CRTAC1: variants seen among roughly 807,000 people sequenced by gnomAD.
CRTAC1 encodes the protein cartilage acidic protein 1.
A neutral mutation model predicts 67.8 loss-of-function variants in CRTAC1; 37 were observed. The observed-to-expected ratio is 0.55, with a 90% CI of 0.42 to 0.72. The LOEUF is 0.72. Ranked by LOEUF, CRTAC1 falls within the 30% of genes least tolerant of loss-of-function variation. The pLI, the probability that CRTAC1 is intolerant of heterozygous loss-of-function variation, is 0.00. For synonymous variants in CRTAC1, 348 were observed against 371.0 expected, an observed-to-expected ratio of 0.94 and a Z score of 0.71; for missense variants, 780 against 931.6, an observed-to-expected ratio of 0.84 and a Z score of 2.12.
At chr10:97,983,424 T>G (rs780607672) in intron 2 of CRTAC1, among the ~76,000 whole-genome samples, 3 of 151,776 alleles carry the variant, frequency 2.0e-5, no homozygotes, top group Non-Finnish European at 4.4e-5. Flanking sequence ...AAAAGAATGT[T>G]TGACAGAAAT....
intron 2 of CRTAC1, among the ~76,000 whole-genome samples, chr10:97,946,719 C>T (rs2051270612): frequency 6.6e-6 from 1 of 152,168 alleles, no homozygotes; most frequent in Non-Finnish European, 1.5e-5. Context: ...ACCAGGGCCT[C>T]CTGATGGAAG....
At chr10:97,956,458 T>C (rs1414569645) in intron 2 of CRTAC1, among the ~76,000 whole-genome samples, 1 of 152,214 alleles carries the variant, frequency 6.6e-6, no homozygotes, top group Admixed American at 6.5e-5. Context: ...CTAGGGTCAG[T>C]GTTCCTGAGG....
chr10:97,871,418 C>T (rs957074811), intron 14 of CRTAC1: 1 of 152,134 alleles, frequency 6.6e-6, no homozygotes, highest in African/African-American at 2.4e-5. Context: ...ATCTGTTTCT[C>T]CAATGTAAGA....
rs148627917 is a variant in CRTAC1 at position 97,937,417 on chromosome 10, C to G, written c.225-1051G>C. Among the ~76,000 whole-genome samples, 629 of 152,306 alleles carry G rather than the reference C, an allele frequency of 4.1e-3. 3 individuals are homozygous for G. The highest frequency in any genetic ancestry group is 0.014 in the African/African-American group (569 of 41,564). On this transcript the variant is annotated intron_variant, in intron 2 of 14. Coordinates refer to ENST00000370597, the MANE Select transcript of CRTAC1 (RefSeq NM_018058.7). ...CTGTTCTCTATCTCTCACTAATGCT[C>G]TCTTCCCACAGCTCTGACCAACAGC...
chr10:97,899,425 TGGATGGGCA>T, intron 8 of CRTAC1, among the ~76,000 whole-genome samples: 1 of 152,106 alleles, frequency 6.6e-6, no homozygotes, highest in African/African-American at 2.4e-5. Flanking sequence ...TGAAGCAGGC[TGGATGGGCA>T]GGATGGGCAG....
chr10:97,935,867 G>T (rs2136613538), intron 3 of CRTAC1, among the ~76,000 whole-genome samples: 1 of 152,280 alleles, frequency 6.6e-6, no homozygotes, highest in East Asian at 1.9e-4. Flanking sequence ...AGGAGAGGAG[G>T]GGTCAGGAGG....
intron 7 of CRTAC1, among the ~76,000 whole-genome samples, chr10:97,902,269 G>A (rs1029003338): frequency 2.6e-5 from 4 of 152,238 alleles, no homozygotes; most frequent in African/African-American, 4.8e-5. Context: ...CTGGCACAGA[G>A]TGGGCATGAC....
chr10:97,893,254 T>G lies in CRTAC1; in HGVS notation c.1486+1991A>C, dbSNP rs1259489776. Among the ~76,000 whole-genome samples, 3 of 147,134 alleles carry G rather than the reference T, an allele frequency of 2.0e-5. No individual in the cohort carries two copies. In the East Asian group the frequency reaches 5.8e-4, roughly 29 times the overall value. On this transcript the variant is annotated intron_variant, in intron 11 of 14. Transcript: ENST00000370597. ...TCTCACTTTTTGCATTGCCTTTCAG[T>G]TTTTTTTCTGCACATATGTGTGTAT... is the stretch of plus-strand genomic sequence containing the variant.
chr10:97,896,847 A>ACCC, intron 9 of CRTAC1, 62 bp downstream of exon 9: 1 of 397,250 alleles, frequency 2.5e-6, no homozygotes, highest in African/African-American at 2.4e-5. Flanking sequence ...TCCCGCCCTC[A>ACCC]CCCCAGTGTA....
At chr10:97,954,805 A>G (rs2051415697) in intron 2 of CRTAC1, among the ~76,000 whole-genome samples, 1 of 152,220 alleles carries the variant, frequency 6.6e-6, no homozygotes, top group Non-Finnish European at 1.5e-5. Context: ...TCAGAGGCTC[A>G]GAGAGAAGAC....
At chr10:97,875,129 G>T (rs1029058034) in intron 14 of CRTAC1, among the ~76,000 whole-genome samples, 1 of 152,186 alleles carries the variant, frequency 6.6e-6, no homozygotes, top group Non-Finnish European at 1.5e-5. Context: ...ACAGCATAAG[G>T]CTTAAGAACC....
intron 4 of CRTAC1, among the ~76,000 whole-genome samples, chr10:97,922,662 T>A (rs1432644684): frequency 6.6e-6 from 1 of 152,188 alleles, no homozygotes; most frequent in African/African-American, 2.4e-5. Flanking sequence ...CCCTTCCCAC[T>A]CCGTCTTTCC....
intron 2 of CRTAC1, among the ~76,000 whole-genome samples, chr10:97,995,844 T>C (rs373408543): frequency 1.3e-5 from 2 of 152,134 alleles, no homozygotes; most frequent in South Asian, 4.2e-4. Flanking sequence ...GCCCTAGAGG[T>C]GGATACAAAT....
chr10:97,946,078 G>T (rs2051258899), intron 2 of CRTAC1, among the ~76,000 whole-genome samples: 1 of 152,218 alleles, frequency 6.6e-6, no homozygotes, highest in Non-Finnish European at 1.5e-5. Flanking sequence ...CATGTTTGCT[G>T]ATGATGACGA....
chr10:97,950,176 G>A (rs1264284372), intron 2 of CRTAC1, among the ~76,000 whole-genome samples: 2 of 150,246 alleles, frequency 1.3e-5, no homozygotes, highest in African/African-American at 2.4e-5. Flanking sequence ...CTTACCCCAA[G>A]GTCAAACGAG....
At chr10:98,003,413 G>T (rs1462155971) in intron 2 of CRTAC1, among the ~76,000 whole-genome samples, 1 of 152,178 alleles carries the variant, frequency 6.6e-6, no homozygotes, top group Non-Finnish European at 1.5e-5. Flanking sequence ...TCTTCCGGAG[G>T]CTCGAGGGAT....
At chr10:97,968,845 C>T (rs1312165682) in intron 2 of CRTAC1, among the ~76,000 whole-genome samples, 2 of 152,180 alleles carry the variant, frequency 1.3e-5, no homozygotes, top group South Asian at 2.1e-4. Context: ...CCTACACTAG[C>T]GGGTGCTCAC....
chr10:97,886,793 T>C (rs2050292624), intron 11 of CRTAC1, among the ~76,000 whole-genome samples: 1 of 151,776 alleles, frequency 6.6e-6, no homozygotes, highest in African/African-American at 2.4e-5. Flanking sequence ...TACAGGCATG[T>C]ACCACCGCGC....
intron 2 of CRTAC1, among the ~76,000 whole-genome samples, chr10:98,005,750 A>G (rs1029825642): frequency 6.6e-6 from 1 of 151,990 alleles, no homozygotes; most frequent in Admixed American, 6.6e-5. Context: ...TCATGGATAA[A>G]TGTGTCTTTT....
Sources: gnomAD v4.1 joint callset for allele counts (sites outside exome capture counted in the v4.1 genomes callset) on GRCh38, gnomAD v4.1.1 for gene constraint, MANE v1.5 for transcripts, NCBI Gene and HGNC (gene_info 2026-07-23, HGNC 2026-07-21) for gene names.